RNF111: variants seen among roughly 807,000 people sequenced by gnomAD.
RNF111 encodes ring finger protein 111.
In RNF111, 17 loss-of-function variants were observed where a neutral mutation model predicts 95.1. That is an observed-to-expected ratio of 0.18 (90% CI 0.12 to 0.27). The LOEUF (loss-of-function observed/expected upper bound fraction) is 0.27, where lower values mean the gene tolerates loss of function less well. Among genes scored for constraint, RNF111 ranks in the 10% least tolerant of loss-of-function variants. The pLI is 1.00. For missense variants in RNF111, 1,189 were observed against 1,210.4 expected, an observed-to-expected ratio of 0.98 and a Z score of 0.26; for synonymous variants, 440 against 414.8, an observed-to-expected ratio of 1.06 and a Z score of -0.74.
At chr15:59,055,181 A>G (rs2042153399) in intron 3 of RNF111, among the ~76,000 whole-genome samples, 1 of 152,218 alleles carries the variant, frequency 6.6e-6, no homozygotes, top group African/African-American at 2.4e-5. Context: ...ACACATCAGG[A>G]AATCTCCCTG....
intron 1 of RNF111, among the ~76,000 whole-genome samples, chr15:59,013,522 A>G (rs2039926113): frequency 6.6e-6 from 1 of 152,180 alleles, no homozygotes; most frequent in Admixed American, 6.5e-5. Flanking sequence ...CACAGAAGTA[A>G]AGTGCCCTGC....
intron 5 of RNF111, among the ~76,000 whole-genome samples, chr15:59,064,678 C>T (rs2042582550): frequency 6.6e-6 from 1 of 151,662 alleles, no homozygotes; most frequent in Non-Finnish European, 1.5e-5. Flanking sequence ...CGCGTGAATT[C>T]TAGTTCCCAG....
chr15:59,092,981 A>C (rs1347760032), intron 13 of RNF111, among the ~76,000 whole-genome samples: 5 of 152,222 alleles, frequency 3.3e-5, no homozygotes. Context: ...CAGCCTGGGC[A>C]ATAGAGTGAG....
chr15:59,040,896 A>C (rs1885312548), intron 2 of RNF111, among the ~76,000 whole-genome samples: 2 of 152,200 alleles, frequency 1.3e-5, no homozygotes, highest in African/African-American at 4.8e-5. Flanking sequence ...TCGCTTTTTA[A>C]ATTATGTAAA....
Position 59,091,159 on chromosome 15 carries a change from G to A in RNF111, c.2739+5G>A. 1.3e-6 allele frequency: 2 copies of A among 1,540,174 alleles called. No homozygotes were observed. Among genetic ancestry groups the A allele is most frequent in the South Asian group, 2.3e-5 (2 of 86,764 alleles). On this transcript the variant is annotated splice_donor_5th_base_variant and intron_variant, in intron 12 of 13. Transcript: ENST00000348370. ...TATCCACATAAATACAAAAAGGTAA[G>A]AATTTATTCTATGAAACTTCTGGAG...
chr15:59,021,323 G>A (rs548668158), intron 1 of RNF111, among the ~76,000 whole-genome samples: 4 of 152,170 alleles, frequency 2.6e-5, no homozygotes, highest in Admixed American at 2.0e-4. Flanking sequence ...GCTAATTTTT[G>A]TATTTTTAGT....
intron 6 of RNF111, among the ~76,000 whole-genome samples, chr15:59,071,109 A>T (rs1202015217): frequency 6.6e-6 from 1 of 151,876 alleles, no homozygotes; most frequent in African/African-American, 2.4e-5. Context: ...CATCCTGGCT[A>T]ACATGGTGAA....
chr15:59,061,616 CCTCTA>C lies in RNF111; in HGVS notation c.1366+3069_1366+3073del, dbSNP rs572014521. Among the ~76,000 whole-genome samples the C allele has an allele frequency of 1.1e-4, 16 of 152,342 alleles. No homozygotes were observed. The South Asian group carries it at 2.9e-3, about 28-fold the overall frequency. On this transcript the variant is annotated intron_variant, in intron 5 of 13. Coordinates refer to ENST00000348370, the MANE Select transcript of RNF111 (RefSeq NM_017610.8). ...ACTTTTGTGGCTCTCTACCTGTCCT[CCTCTA>C]CTAATTCCTAGTCTCCTAACTCCTT... is the stretch of plus-strand genomic sequence containing the variant.
At chr15:59,083,512 G>GT (rs1374957688) in intron 8 of RNF111, among the ~76,000 whole-genome samples, 2 of 150,882 alleles carry the variant, frequency 1.3e-5, no homozygotes, top group Non-Finnish European at 2.9e-5. Flanking sequence ...CTCCAGCCTG[G>GT]TGACAGAGCT....
chr15:59,036,138 T>A (rs1411995635), intron 2 of RNF111, among the ~76,000 whole-genome samples: 2 of 152,138 alleles, frequency 1.3e-5, no homozygotes, highest in Non-Finnish European at 2.9e-5. Context: ...TGCAGTGGTG[T>A]GATCTTGGCT....
intron 5 of RNF111, among the ~76,000 whole-genome samples, chr15:59,059,004 G>A (rs1457313736): frequency 1.3e-5 from 2 of 152,190 alleles, no homozygotes; most frequent in Admixed American, 1.3e-4. Context: ...CAGGCCGGGT[G>A]TGATGGCTCA....
intron 1 of RNF111, among the ~76,000 whole-genome samples, chr15:59,005,024 A>G (rs1567203943): frequency 6.6e-6 from 1 of 152,134 alleles, no homozygotes. Flanking sequence ...AATCTCCTAC[A>G]TGGTTTAAAT....
intron 2 of RNF111, among the ~76,000 whole-genome samples, chr15:59,044,029 T>C (rs1304936544): frequency 6.6e-6 from 1 of 151,684 alleles, no homozygotes; most frequent in African/African-American, 2.4e-5. Flanking sequence ...GGAAACTGTC[T>C]TTTTTTTTCT....
intron 2 of RNF111, among the ~76,000 whole-genome samples, chr15:59,047,830 C>A (rs2041787120): frequency 6.6e-6 from 1 of 152,206 alleles, no homozygotes; most frequent in Admixed American, 6.5e-5. Flanking sequence ...CTGCCTCGGT[C>A]TCCCAAAGTG....
chr15:59,062,863 A>C (rs1243484378), intron 5 of RNF111, among the ~76,000 whole-genome samples: 1 of 152,158 alleles, frequency 6.6e-6, no homozygotes, highest in African/African-American at 2.4e-5. Flanking sequence ...TAGTTCTTAC[A>C]GTGGGAGGTG....
intron 5 of RNF111, among the ~76,000 whole-genome samples, chr15:59,060,415 G>A (rs112069574): frequency 0.024 from 3,691 of 151,978 alleles, 157 homozygotes; most frequent in African/African-American, 0.084. Flanking sequence ...ACCAGCCTAG[G>A]CAACGTGGTG....
At position 59,044,311 on chromosome 15, in the gene RNF111, A is replaced by C. The variant is rs146819558; in HGVS notation, c.881-7994A>C. 4.6e-5 allele frequency among the ~76,000 whole-genome samples: 7 copies of C among 152,298 alleles called. No individual in the cohort carries two copies. In the East Asian group the frequency reaches 1.4e-3, roughly 29 times the overall value. On this transcript the variant is annotated intron_variant, in intron 2 of 13. Transcript: ENST00000348370. ...CTCCCAAAGTGCTGGGTTTACAGGC[A>C]TGAGCCACCACGCCTGGCCATGGAA...
At chr15:59,019,460 T>C (rs557336602) in intron 1 of RNF111, among the ~76,000 whole-genome samples, 39 of 152,286 alleles carry the variant, frequency 2.6e-4, no homozygotes, top group African/African-American at 9.1e-4. Context: ...TTGGAGTCCT[T>C]GTTCATCCAG....
At chr15:59,078,512 C>T (rs1392486727) in intron 7 of RNF111, among the ~76,000 whole-genome samples, 1 of 147,234 alleles carries the variant, frequency 6.8e-6, no homozygotes, top group African/African-American at 2.5e-5. Context: ...GTGAACAATC[C>T]TTGTACTCCT....
Sources: gnomAD v4.1 joint callset for allele counts (sites outside exome capture counted in the v4.1 genomes callset) on GRCh38, gnomAD v4.1.1 for gene constraint, MANE v1.5 for transcripts, NCBI Gene and HGNC (gene_info 2026-07-23, HGNC 2026-07-21) for gene names.